Variants in HSP90AA1 observed in about 807,000 individuals in gnomAD.
HSP90AA1 encodes heat shock protein 90 alpha family class A member 1.
A neutral mutation model predicts 73.3 loss-of-function variants in HSP90AA1; 18 were observed. That is an observed-to-expected ratio of 0.25 (90% CI 0.17 to 0.36). The LOEUF (loss-of-function observed/expected upper bound fraction) is 0.36. HSP90AA1 is among the 10% of genes least tolerant of loss of function. The probability of loss-of-function intolerance (pLI) is 1.00; values close to 1 mark genes in which losing one functional copy is unlikely to be tolerated. For synonymous variants in HSP90AA1, 477 were observed against 296.9 expected (o/e 1.61, Z -6.24); for missense variants, 704 against 874.2 (o/e 0.81, Z 2.45).
At chr14:102,087,944 T>TC (rs1566722899), upstream of HSP90AA1, among the ~76,000 whole-genome samples, 2 of 120,914 alleles carry the variant, frequency 1.7e-5, no homozygotes, top group Non-Finnish European at 3.5e-5. Context: ...TTTTTTTTTT[T>TC]TTTTTTCTTT....
intron 1 of HSP90AA1, among the ~76,000 whole-genome samples, chr14:102,135,821 G>A (rs1392356612): frequency 1.3e-5 from 2 of 152,258 alleles, no homozygotes; most frequent in Non-Finnish European, 2.9e-5. Flanking sequence ...GGCCCGCCAA[G>A]CCCACGCCCA....
intron 1 of HSP90AA1, among the ~76,000 whole-genome samples, chr14:102,109,882 T>A (rs1277256369): frequency 6.6e-6 from 1 of 152,132 alleles, no homozygotes; most frequent in Non-Finnish European, 1.5e-5. Flanking sequence ...CAGGCCGAAA[T>A]GGTCTCAGAT....
At chr14:102,088,228 A>G (rs1000590042), upstream of HSP90AA1, among the ~76,000 whole-genome samples, 3 of 152,184 alleles carry the variant, frequency 2.0e-5, no homozygotes, top group Non-Finnish European at 4.4e-5. Flanking sequence ...GGCCAAGGCC[A>G]GCTGTGGGAA....
chr14:102,089,701 C>A (rs950601473), upstream of HSP90AA1, among the ~76,000 whole-genome samples: 8 of 151,396 alleles, frequency 5.3e-5, no homozygotes, highest in African/African-American at 1.7e-4. Context: ...AGCTTCCCCC[C>A]TGTCTCCAGC....
Position 102,084,961 on chromosome 14 carries a change from T to A in HSP90AA1, c.701A>T (p.Glu234Val). The A allele has an allele frequency of 6.2e-7, 1 of 1,608,948 alleles. No homozygotes were observed. Among genetic ancestry groups the A allele is most frequent in the Non-Finnish European group, 8.5e-7 (1 of 1,175,324 alleles). Residue 234 changes from glutamate (E) to valine (V), a missense_variant, in exon 5 of 11, where the codon GAG becomes GTG. Transcript: ENST00000216281. Reference sequence around the variant, plus strand: ...TTCTTTGTCTTCCTTTTCTTCAGCCTCATCATCGCTTACTTCTTTATCACG... The same window carrying A: ...TTCTTTGTCTTCCTTTTCTTCAGCCACATCATCGCTTACTTCTTTATCACG... The part of the protein sequence containing the change: ...KERDKEVSDD[E>V]AEEKEDKEEE...
intron 1 of HSP90AA1, among the ~76,000 whole-genome samples, chr14:102,109,342 C>T (rs2049610192): frequency 6.6e-6 from 1 of 152,200 alleles, no homozygotes; most frequent in African/African-American, 2.4e-5. Context: ...CAAATCTCAT[C>T]TTGAATTGTA....
chr14:102,101,934 G>A lies in HSP90AA1; in HGVS notation c.307C>T (p.Gln103Ter). The A allele has an allele frequency of 6.2e-7, 1 of 1,614,152 alleles. No individual in the cohort carries two copies. Among genetic ancestry groups the A allele is most frequent in the East Asian group, 2.2e-5 (1 of 44,886 alleles). Residue 103 changes from glutamine (Q) to a stop codon, truncating the protein, a stop_gained, in exon 2 of 12, where the codon CAA (glutamine) becomes TAA (stop). Coordinates refer to the HSP90AA1 transcript ENST00000334701. LOFTEE classifies it high-confidence loss of function. ...TTGTAGAGGTGTTGCCCTGCACCTTGGCTCTGTCTGAAGGCCAGTGACGCG... is the reference window on the plus strand; with the variant it reads ...TTGTAGAGGTGTTGCCCTGCACCTTAGCTCTGTCTGAAGGCCAGTGACGCG...
intron 2 of HSP90AA1, among the ~76,000 whole-genome samples, chr14:102,098,329 T>G (rs2049451193): frequency 6.6e-6 from 1 of 151,262 alleles, no homozygotes. Context: ...GCCCGGCTAA[T>G]TTTTGTATTT....
chr14:102,082,998 A>T, intron 9 of HSP90AA1, 36 bp downstream of exon 9: 1 of 1,596,650 alleles, frequency 6.3e-7, no homozygotes, highest in Non-Finnish European at 8.6e-7. Context: ...AGCACCTTAG[A>T]AGTATCAATG....
intron 4 of HSP90AA1, 107 bp from the exon 5 acceptor site, chr14:102,085,105 A>T: frequency 6.4e-7 from 1 of 1,569,272 alleles, no homozygotes; most frequent in Non-Finnish European, 8.7e-7. Context: ...AGCCAACTTG[A>T]GAAGCACCCA....
At chr14:102,138,440 A>C (rs2050090865) in intron 1 of HSP90AA1, among the ~76,000 whole-genome samples, 1 of 152,210 alleles carries the variant, frequency 6.6e-6, no homozygotes, top group African/African-American at 2.4e-5. Flanking sequence ...ACATCAAAAC[A>C]ATTCTAAGAA....
Position 102,082,327 on chromosome 14 carries a change from T to C in HSP90AA1, c.1873A>G (p.Met625Val), listed in dbSNP as rs1386276181. Residue 625 changes from methionine to valine, a missense_variant, in exon 10 of 11, where the codon ATG becomes GTG. Coordinates refer to ENST00000216281, the MANE Select transcript of HSP90AA1 (RefSeq NM_005348.4). ...TGTTTCTTTGCTGCCATGTAACCCA[T>C]TGTTGAGTTGTCTCTTAGGGCTTGA... ...KAQALRDNST[M>V]GYMAAKKHLE... The C allele has an allele frequency of 1.2e-6, 2 of 1,613,994 alleles. No homozygotes were observed. The highest frequency in any genetic ancestry group is 1.1e-5 in the South Asian group (1 of 91,078).
rs370584563 is a variant in HSP90AA1 at position 102,085,443 on chromosome 14, G to C, written c.530-12C>G. ...ACCCATAGGTTCACCTGCAAGAGAA[G>C]AAAGAAAAATTGACTTAATACATTC... On this transcript the variant is annotated splice_polypyrimidine_tract_variant and intron_variant, in intron 3 of 10. Transcript: ENST00000216281. 2 of 1,534,854 alleles carry C rather than the reference G, an allele frequency of 1.3e-6. No homozygotes were observed. The highest frequency in any genetic ancestry group is 2.0e-5 in the Admixed American group (1 of 50,652).
At chr14:102,105,231 C>CAAAAAA (rs2049551348) in intron 1 of HSP90AA1, among the ~76,000 whole-genome samples, 1 of 78,416 alleles carries the variant, frequency 1.3e-5, no homozygotes, top group Non-Finnish European at 2.9e-5. Context: ...AAAAAAAAAC[C>CAAAAAA]AAACTTCATT....
intron 1 of HSP90AA1, among the ~76,000 whole-genome samples, chr14:102,107,952 A>T (rs374974638): frequency 6.8e-5 from 10 of 147,828 alleles, no homozygotes; most frequent in South Asian, 2.1e-4. Flanking sequence ...TCTCTCTTAA[A>T]TTTTTTTTTT....
At chr14:102,082,688 T>C (rs546180453) in intron 9 of HSP90AA1, 22 of 540,306 alleles carry the variant, frequency 4.1e-5, no homozygotes, top group Non-Finnish European at 6.9e-5. Context: ...TGGTGCGATC[T>C]TGGCTCACTG....
intron 1 of HSP90AA1, among the ~76,000 whole-genome samples, chr14:102,105,006 G>GCC (rs1466321211): frequency 6.9e-6 from 1 of 143,938 alleles, no homozygotes; most frequent in Non-Finnish European, 1.5e-5. Flanking sequence ...AGACCATACT[G>GCC]CCTAACATGG....
chr14:102,104,217 T>A (rs2049533197), intron 1 of HSP90AA1, among the ~76,000 whole-genome samples: 1 of 152,098 alleles, frequency 6.6e-6, no homozygotes, highest in East Asian at 1.9e-4. Context: ...TGTGATATAT[T>A]TTTTTTGAGA....
intron 1 of HSP90AA1, among the ~76,000 whole-genome samples, chr14:102,135,786 G>A (rs892685944): frequency 3.3e-5 from 5 of 152,350 alleles, no homozygotes; most frequent in South Asian, 2.1e-4. Context: ...GGGCCAGCAG[G>A]GCTGGCTGGC....
Sources: gnomAD v4.1 joint callset for allele counts (sites outside exome capture counted in the v4.1 genomes callset) on GRCh38, gnomAD v4.1.1 for gene constraint, MANE v1.5 for transcripts, NCBI Gene and HGNC (gene_info 2026-07-23, HGNC 2026-07-21) for gene names.